SNX7: variants seen among roughly 807,000 people sequenced by gnomAD.
SNX7 encodes the protein sorting nexin 7, also known as sorting nexin-7.
Under a neutral mutation model 48.4 loss-of-function variants are expected in SNX7, and 35 were observed. The ratio of observed to expected loss-of-function variants is 0.72; its 90% CI spans 0.55 to 0.96. The LOEUF (loss-of-function observed/expected upper bound fraction) is 0.96, where lower values mean the gene tolerates loss of function less well. SNX7 is among the 40% of genes least tolerant of loss of function. SNX7 has a pLI of 0.00. For missense variants in SNX7, 553 were observed against 548.9 expected (o/e 1.01, Z -0.07); for synonymous variants, 190 against 190.2 (o/e 1.00, Z 0.01).
At chr1:98,716,592 A>T (rs1048345725) in intron 7 of SNX7, among the ~76,000 whole-genome samples, 1 of 152,192 alleles carries the variant, frequency 6.6e-6, no homozygotes, top group Non-Finnish European at 1.5e-5. Flanking sequence ...GCATAAAAAA[A>T]GAAGGTAGTA....
chr1:98,709,495 A>T (rs757147128), intron 7 of SNX7, among the ~76,000 whole-genome samples: 1 of 152,144 alleles, frequency 6.6e-6, no homozygotes, highest in Non-Finnish European at 1.5e-5. Flanking sequence ...TTTTAACTCA[A>T]CTCACTCGAT....
intron 7 of SNX7, among the ~76,000 whole-genome samples, chr1:98,736,921 C>T (rs1653808846): frequency 1.3e-5 from 2 of 151,892 alleles, no homozygotes; most frequent in African/African-American, 4.8e-5. Flanking sequence ...CATATAAGGC[C>T]CCTTTTAAAA....
At chr1:98,753,396 C>T (rs1654684017) in intron 8 of SNX7, among the ~76,000 whole-genome samples, 1 of 152,042 alleles carries the variant, frequency 6.6e-6, no homozygotes, top group African/African-American at 2.4e-5. Flanking sequence ...GCATGGACGA[C>T]TACTGAATAT....
intron 8 of SNX7, among the ~76,000 whole-genome samples, chr1:98,758,295 A>T (rs533652755): frequency 6.6e-6 from 1 of 152,000 alleles, no homozygotes; most frequent in Non-Finnish European, 1.5e-5. Flanking sequence ...ACACTTAAAG[A>T]TATCTAAATT....
chr1:98,729,142 C>T (rs1653351609), intron 7 of SNX7, among the ~76,000 whole-genome samples: 1 of 152,198 alleles, frequency 6.6e-6, no homozygotes, highest in Non-Finnish European at 1.5e-5. Context: ...GAAGCTCACT[C>T]AAAACCACAC....
chr1:98,745,580 T>A (rs1654271548), intron 8 of SNX7, among the ~76,000 whole-genome samples: 1 of 152,058 alleles, frequency 6.6e-6, no homozygotes, highest in Non-Finnish European at 1.5e-5. Context: ...TTGAATAGAT[T>A]CCACTTACAT....
At position 98,672,218 on chromosome 1, in the gene SNX7, C is replaced by G. The variant is rs533643446; in HGVS notation, c.180+10307C>G. 2.6e-5 allele frequency among the ~76,000 whole-genome samples: 4 copies of G among 152,116 alleles called. No individual in the cohort carries two copies. The South Asian group carries it at 6.2e-4, about 24-fold the overall frequency. On this transcript the variant is annotated intron_variant, in intron 1 of 8. Coordinates refer to ENST00000306121, the MANE Select transcript of SNX7 (RefSeq NM_015976.5). ...TGTCAGCTGTGGCTAAACTGTGATTCTGCTCTCGGCTTTGACTCTGTTCCA... is the reference window on the plus strand; with the variant it reads ...TGTCAGCTGTGGCTAAACTGTGATTGTGCTCTCGGCTTTGACTCTGTTCCA...
intron 7 of SNX7, among the ~76,000 whole-genome samples, chr1:98,711,885 G>A (rs559349526): frequency 9.8e-5 from 15 of 152,294 alleles, no homozygotes; most frequent in African/African-American, 3.4e-4. Context: ...TGCCACTGCT[G>A]TATCAACTAA....
At chr1:98,693,116 C>A (rs899479213) in intron 4 of SNX7, among the ~76,000 whole-genome samples, 18 of 152,044 alleles carry the variant, frequency 1.2e-4, no homozygotes, top group Admixed American at 3.3e-4. Flanking sequence ...AATAATGGAT[C>A]AGGGCTTTTT....
At chr1:98,689,726 C>T in intron 2 of SNX7, among the ~76,000 whole-genome samples, 1 of 152,144 alleles carries the variant, frequency 6.6e-6, no homozygotes, top group East Asian at 1.9e-4. Flanking sequence ...ATGAGTTACT[C>T]TAAACCATGT....
At chr1:98,730,716 AG>A (rs1653465001) in intron 7 of SNX7, among the ~76,000 whole-genome samples, 1 of 152,152 alleles carries the variant, frequency 6.6e-6, no homozygotes, top group African/African-American at 2.4e-5. Context: ...GACCTCTTTA[AG>A]GAGAATGCCA....
intron 8 of SNX7, among the ~76,000 whole-genome samples, chr1:98,757,990 C>A (rs1479106951): frequency 6.6e-6 from 1 of 152,050 alleles, no homozygotes; most frequent in Non-Finnish European, 1.5e-5. Flanking sequence ...TTACTCCCAT[C>A]ATGTCCTGTA....
At chr1:98,661,357 C>G (rs182662509), upstream of SNX7, among the ~76,000 whole-genome samples, 215 of 151,798 alleles carry the variant, frequency 1.4e-3, no homozygotes, top group African/African-American at 4.8e-3. Context: ...GCGAAGTGGA[C>G]GGTTCGCTTC....
chr1:98,694,357 G>A (rs1235501705), intron 4 of SNX7, among the ~76,000 whole-genome samples: 2 of 143,002 alleles, frequency 1.4e-5, no homozygotes, highest in South Asian at 2.2e-4. Flanking sequence ...GCGAAAGAGC[G>A]AGACTCCGTC....
At chr1:98,721,900 TAG>T (rs574496103) in intron 7 of SNX7, among the ~76,000 whole-genome samples, 171 of 152,222 alleles carry the variant, frequency 1.1e-3, no homozygotes, top group African/African-American at 4.0e-3. Flanking sequence ...TTCTTTTTAA[TAG>T]AAATATATTA....
intron 7 of SNX7, among the ~76,000 whole-genome samples, chr1:98,737,187 A>G (rs1246574385): frequency 6.6e-6 from 1 of 151,928 alleles, no homozygotes; most frequent in East Asian, 1.9e-4. Flanking sequence ...TCTGCTGGGA[A>G]TGTGTTTCCA....
intron 8 of SNX7, among the ~76,000 whole-genome samples, chr1:98,745,249 G>A (rs1445900743): frequency 6.6e-6 from 1 of 151,638 alleles, no homozygotes. Flanking sequence ...TTTTATGTTG[G>A]CCATAAAAAA....
At chr1:98,664,439 A>G (rs1289526978) in intron 1 of SNX7, among the ~76,000 whole-genome samples, 1 of 152,136 alleles carries the variant, frequency 6.6e-6, no homozygotes, top group African/African-American at 2.4e-5. Flanking sequence ...GAGGCAGGAG[A>G]ATCTCTTGAA....
chr1:98,714,454 A>C (rs1652481067), intron 7 of SNX7, among the ~76,000 whole-genome samples: 1 of 111,386 alleles, frequency 9.0e-6, no homozygotes, highest in Non-Finnish European at 2.1e-5. Context: ...CTCTAGTGGA[A>C]GGATGCTGAA....
Sources: gnomAD v4.1 joint callset for allele counts (sites outside exome capture counted in the v4.1 genomes callset) on GRCh38, gnomAD v4.1.1 for gene constraint, MANE v1.5 for transcripts, NCBI Gene and HGNC (gene_info 2026-07-23, HGNC 2026-07-21) for gene names.